The following PSD3 variants were observed in gnomAD, a reference collection of about 807,000 sequenced individuals.
PSD3 encodes the protein PH and SEC7 domain-containing protein 3.
PSD3 carries 49 observed loss-of-function variants against 105.5 expected under a neutral mutation model. The ratio of observed to expected loss-of-function variants is 0.46; its 90% CI spans 0.37 to 0.59. PSD3 has a LOEUF of 0.59. Ranked by LOEUF, PSD3 falls within the 20% of genes least tolerant of loss-of-function variation. The pLI is 0.00. For missense variants in PSD3, 1,561 were observed against 1,263.8 expected, an observed-to-expected ratio of 1.24 and a Z score of -3.57; for synonymous variants, 557 against 457.8, an observed-to-expected ratio of 1.22 and a Z score of -2.77.
At chr8:18,684,018 G>A (rs1800521995) in intron 9 of PSD3, 2 of 684,482 alleles carry the variant, frequency 2.9e-6, no homozygotes, top group East Asian at 5.0e-5. Context: ...GAGGAACTCT[G>A]CGGGGTTGTG....
chr8:18,614,626 G>C (rs958921757), intron 11 of PSD3, among the ~76,000 whole-genome samples: 1 of 152,224 alleles, frequency 6.6e-6, no homozygotes, highest in South Asian at 2.1e-4. Flanking sequence ...TTTGTGACAA[G>C]TGACTTCAAA....
At chr8:18,894,117 G>A (rs1050158319) in intron 2 of PSD3, among the ~76,000 whole-genome samples, 1 of 152,184 alleles carries the variant, frequency 6.6e-6, no homozygotes, top group Non-Finnish European at 1.5e-5. Context: ...TACTACCAGT[G>A]CTGGGAACCA....
chr8:18,749,484 T>C (rs1563221725), intron 9 of PSD3, among the ~76,000 whole-genome samples: 1 of 152,338 alleles, frequency 6.6e-6, no homozygotes, highest in East Asian at 1.9e-4. Flanking sequence ...AAGAGTCTCA[T>C]CCCTTGATGA....
chr8:19,071,214 C>T (rs772219726), intron 1 of PSD3, among the ~76,000 whole-genome samples: 52 of 152,070 alleles, frequency 3.4e-4, no homozygotes, highest in Non-Finnish European at 5.6e-4. Context: ...TGTGCACCAC[C>T]ATGCCCGGTT....
chr8:19,037,852 C>T (rs1385609124), intron 1 of PSD3, among the ~76,000 whole-genome samples: 1 of 151,580 alleles, frequency 6.6e-6, no homozygotes, highest in Admixed American at 6.6e-5. Flanking sequence ...ACTTTTTGGC[C>T]TCCATAATCA....
rs1183943671 is a variant in PSD3 at position 18,527,991 on chromosome 8, C to T, written c.*7752G>A. The T allele has an allele frequency of 1.3e-5, 2 of 152,134 alleles. No homozygotes were observed. Among genetic ancestry groups the T allele is most frequent in the Admixed American group, 1.3e-4 (2 of 15,276 alleles). The allele number at this position is 152,134 out of a possible 1,614,324, so 9.4% of individuals were successfully genotyped here. Reference sequence around the variant, plus strand: ...AAGGTAAAGAAATGTTCCACAATGCCAATTAGTTTGAGCCACAGTGAATAT... The same window carrying T: ...AAGGTAAAGAAATGTTCCACAATGCTAATTAGTTTGAGCCACAGTGAATAT... On this transcript the variant is annotated 3_prime_UTR_variant, in exon 16 of 16. Coordinates refer to ENST00000327040, the MANE Select transcript of PSD3 (RefSeq NM_015310.4).
chr8:18,941,239 T>C (rs1302651901), intron 1 of PSD3, among the ~76,000 whole-genome samples: 2 of 152,252 alleles, frequency 1.3e-5, no homozygotes, highest in African/African-American at 4.8e-5. Context: ...GCTGGACTGA[T>C]GGTCAGGTGA....
chr8:18,678,272 T>C (rs1189167891), intron 9 of PSD3, among the ~76,000 whole-genome samples: 1 of 152,196 alleles, frequency 6.6e-6, no homozygotes, highest in Non-Finnish European at 1.5e-5. Context: ...ATAGTTTAAG[T>C]TGTTTAAAAA....
intron 2 of PSD3, among the ~76,000 whole-genome samples, chr8:18,913,858 G>A (rs953379385): frequency 7.2e-5 from 11 of 151,940 alleles, no homozygotes; most frequent in Admixed American, 1.3e-4. Flanking sequence ...CAGCCACTGC[G>A]AACTCAGGCT....
At chr8:18,594,308 T>TA (rs1803905516) in intron 12 of PSD3, among the ~76,000 whole-genome samples, 5 of 12,870 alleles carry the variant, frequency 3.9e-4, no homozygotes, top group Non-Finnish European at 1.6e-4. Context: ...TAATAATATA[T>TA]ATTATTATAT....
At chr8:18,898,809 G>A (rs1167534658) in intron 2 of PSD3, among the ~76,000 whole-genome samples, 1 of 152,152 alleles carries the variant, frequency 6.6e-6, no homozygotes, top group African/African-American at 2.4e-5. Context: ...TGAATAAGCT[G>A]AAGAGGAGGA....
intron 1 of PSD3, among the ~76,000 whole-genome samples, chr8:19,054,186 G>C (rs1484548504): frequency 1.3e-5 from 2 of 152,196 alleles, no homozygotes; most frequent in Non-Finnish European, 2.9e-5. Context: ...AATTGATGGA[G>C]TCATGTAAGT....
chr8:18,990,119 C>G (rs186733012), intron 1 of PSD3, among the ~76,000 whole-genome samples: 2 of 152,220 alleles, frequency 1.3e-5, no homozygotes, highest in Admixed American at 1.3e-4. Flanking sequence ...ATCTTCATCT[C>G]TCACCTACAA....
At chr8:18,895,831 T>C (rs1055001595) in intron 2 of PSD3, among the ~76,000 whole-genome samples, 3 of 152,260 alleles carry the variant, frequency 2.0e-5, no homozygotes, top group African/African-American at 4.8e-5. Flanking sequence ...CTTTCGGCTA[T>C]TTGAAAATAT....
chr8:18,782,488 T>C (rs952797786), intron 8 of PSD3, among the ~76,000 whole-genome samples: 3 of 152,182 alleles, frequency 2.0e-5, no homozygotes, highest in Non-Finnish European at 4.4e-5. Context: ...CTGTGGCTTT[T>C]AGTAACGGCT....
intron 2 of PSD3, among the ~76,000 whole-genome samples, chr8:18,890,791 T>C (rs767027812): frequency 8.0e-5 from 12 of 149,700 alleles, no homozygotes; most frequent in East Asian, 2.0e-4. Flanking sequence ...GTGTGTTCCC[T>C]GTGCTGCAAA....
At chr8:18,992,584 G>C (rs1288799205) in intron 1 of PSD3, among the ~76,000 whole-genome samples, 1 of 152,136 alleles carries the variant, frequency 6.6e-6, no homozygotes, top group Non-Finnish European at 1.5e-5. Context: ...TGAACTCCAA[G>C]TTCAGATAAG....
intron 9 of PSD3, among the ~76,000 whole-genome samples, chr8:18,700,438 A>G (rs1801511803): frequency 6.6e-6 from 1 of 152,254 alleles, no homozygotes; most frequent in Admixed American, 6.5e-5. Flanking sequence ...AAGATATAAC[A>G]TACTGCTGAA....
At chr8:18,737,990 G>C (rs1804278782) in intron 9 of PSD3, among the ~76,000 whole-genome samples, 1 of 152,182 alleles carries the variant, frequency 6.6e-6, no homozygotes, top group South Asian at 2.1e-4. Flanking sequence ...TCTGCTTGCA[G>C]ATGACACCAA....
Sources: allele counts gnomAD v4.1 joint callset (sites outside exome capture counted in the v4.1 genomes callset), GRCh38; gene constraint gnomAD v4.1.1; transcripts MANE v1.5; gene names NCBI Gene and HGNC (gene_info 2026-07-23, HGNC 2026-07-21).